RMDN1: variants seen among roughly 807,000 people sequenced by gnomAD.
RMDN1 encodes the protein regulator of microtubule dynamics protein 1.
In RMDN1, 48 loss-of-function variants were observed where a neutral mutation model predicts 48.9. That is an observed-to-expected ratio of 0.98 (90% CI 0.78 to 1.25). The LOEUF (loss-of-function observed/expected upper bound fraction) is 1.25, where lower values mean the gene tolerates loss of function less well. RMDN1 is among the 50% of genes most tolerant of loss of function. The probability of loss-of-function intolerance (pLI) is 0.00; values close to 1 mark genes in which losing one functional copy is unlikely to be tolerated. For synonymous variants in RMDN1, 148 were observed against 132.6 expected (o/e 1.12, Z -0.80); for missense variants, 418 against 373.4 (o/e 1.12, Z -0.98).
chr8:86,514,138 G>T, intron 1 of RMDN1: 1 of 433,110 alleles, frequency 2.3e-6, no homozygotes, highest in Non-Finnish European at 3.1e-6. Flanking sequence ...ACAGGTGTGA[G>T]CCACTGCGCC....
upstream of RMDN1, among the ~76,000 whole-genome samples, chr8:86,512,683 G>C (rs1820107856): frequency 6.6e-6 from 1 of 152,226 alleles, no homozygotes; most frequent in Non-Finnish European, 1.5e-5. Context: ...TAGGATAGAA[G>C]TTCCTGTCTG....
In RMDN1 at chr8:86,505,835, T is replaced by C. The variant is rs549988818; in HGVS notation, c.247+1160A>G. Reference sequence around the variant, plus strand: ...TTATGTGGTGCCTGAAGTCTGCACATTACCTCTTGACAATTTCTGTCCTTC... The same window carrying C: ...TTATGTGGTGCCTGAAGTCTGCACACTACCTCTTGACAATTTCTGTCCTTC... On this transcript the variant is annotated intron_variant, in intron 2 of 9. Transcript: ENST00000406452. Among the ~76,000 whole-genome samples the C allele has an allele frequency of 2.6e-5, 4 of 151,504 alleles. No homozygotes were observed. In the East Asian group the frequency reaches 7.9e-4, roughly 30 times the overall value.
At position 86,474,367 on chromosome 8, in the gene RMDN1, G is replaced by A. The variant is rs1216102086; in HGVS notation, c.895-9C>T. On this transcript the variant is annotated splice_polypyrimidine_tract_variant and intron_variant, in intron 9 of 9. Coordinates refer to ENST00000406452, the MANE Select transcript of RMDN1 (RefSeq NM_016033.3). ...GCAGCTTCTGTCTGTATCTAAAATG[G>A]AAAAATACATGTTATAAGTAAACAG... 1.9e-6 allele frequency: 3 copies of A among 1,590,652 alleles called. No individual in the cohort carries two copies. Among genetic ancestry groups the A allele is most frequent in the African/African-American group, 2.7e-5 (2 of 74,406 alleles).
At chr8:86,474,495 G>T (rs1813029670) in intron 9 of RMDN1, 137 bp from the exon 10 acceptor site, 2 of 733,708 alleles carry the variant, frequency 2.7e-6, no homozygotes, top group Non-Finnish European at 4.7e-6. Flanking sequence ...TGTCTTGACA[G>T]TGACCAGATG....
intron 2 of RMDN1, 80 bp downstream of exon 2, chr8:86,506,915 T>C (rs1278032092): frequency 2.7e-6 from 2 of 739,020 alleles, no homozygotes; most frequent in Non-Finnish European, 4.7e-6. Context: ...ATTACCCTGA[T>C]TCTTTGTTTT....
At chr8:86,480,544 G>A (rs1814209175) in intron 5 of RMDN1, among the ~76,000 whole-genome samples, 1 of 151,890 alleles carries the variant, frequency 6.6e-6, no homozygotes, top group Non-Finnish European at 1.5e-5. Context: ...TATTTTGTAT[G>A]GTTCAGACAT....
chr8:86,508,985 C>T (rs769668321), upstream of RMDN1, among the ~76,000 whole-genome samples: 36 of 152,060 alleles, frequency 2.4e-4, no homozygotes, highest in Non-Finnish European at 4.6e-4. Flanking sequence ...GAAATAGACC[C>T]GAGAATACAA....
Position 86,486,624 on chromosome 8 carries a change from A to C in RMDN1, c.355T>G (p.Trp119Gly). 1 of 1,592,054 alleles carries C rather than the reference A, an allele frequency of 6.3e-7. No individual in the cohort carries two copies. Residue 119 changes from tryptophan to glycine, a missense_variant, in exon 4 of 10, where the codon TGG becomes GGG. Transcript: ENST00000406452. ...YKESEDAELLWRLARASRDVA... is the reference protein window; with the variant it reads ...YKESEDAELLGRLARASRDVA... ...TCACGTGATGCCCGTGCCAAACGCC[A>C]CAGTAACTCTGCATCTTCACTAATT... is the stretch of plus-strand genomic sequence containing the variant.
chr8:86,504,330 G>A, intron 2 of RMDN1: 1 of 1,579,044 alleles, frequency 6.3e-7, no homozygotes, highest in South Asian at 1.1e-5. Flanking sequence ...GTGCAAGGAT[G>A]TCACAAGAAA....
In RMDN1 at chr8:86,473,892, CTG is replaced by C; in HGVS notation, c.*414_*415del. The C allele has an allele frequency of 1.0e-6, 1 of 997,420 alleles. No homozygotes were observed. Among genetic ancestry groups the C allele is most frequent in the Non-Finnish European group, 1.2e-6 (1 of 837,972 alleles). 61.8% of individuals were successfully genotyped at this position (997,420 alleles called of 1,614,324 possible). Reference sequence around the variant, plus strand: ...TCAGGAACCCACAACATCCTAACCACTGTCACCACACCTTCTCTTCAAGATTT... The same window carrying C: ...TCAGGAACCCACAACATCCTAACCACTCACCACACCTTCTCTTCAAGATTT... On this transcript the variant is annotated 3_prime_UTR_variant, in exon 10 of 10. Transcript: ENST00000406452.
intron 2 of RMDN1, among the ~76,000 whole-genome samples, chr8:86,491,397 A>T (rs984800236): frequency 6.6e-5 from 10 of 152,206 alleles, no homozygotes; most frequent in African/African-American, 2.2e-4. Context: ...AAATCAGTGT[A>T]TGATTTTTTC....
intron 3 of RMDN1, among the ~76,000 whole-genome samples, chr8:86,488,279 A>G (rs1193371324): frequency 1.3e-5 from 2 of 152,204 alleles, no homozygotes; most frequent in African/African-American, 2.4e-5. Context: ...TATATTCAAT[A>G]ACTATCTTGT....
At chr8:86,493,020 CAAATGGAAGAGA>C (rs1217241531) in intron 2 of RMDN1, among the ~76,000 whole-genome samples, 1 of 149,198 alleles carries the variant, frequency 6.7e-6, no homozygotes, top group Non-Finnish European at 1.5e-5. Context: ...AAAAAAACAG[CAAATGGAAGAGA>C]TATAGGACAA....
chr8:86,486,624 A>G lies in RMDN1; in HGVS notation c.355T>C (p.Trp119Arg), dbSNP rs147563777. ...TCACGTGATGCCCGTGCCAAACGCC[A>G]CAGTAACTCTGCATCTTCACTAATT... ...YKESEDAELLWRLARASRDVA... is the reference protein window; with the variant it reads ...YKESEDAELLRRLARASRDVA... Residue 119 changes from tryptophan to arginine, a missense_variant, in exon 4 of 10, where the codon TGG becomes CGG. Coordinates refer to ENST00000406452, the MANE Select transcript of RMDN1 (RefSeq NM_016033.3). The G allele has an allele frequency of 1.5e-5, 24 of 1,591,936 alleles. No homozygotes were observed. The highest frequency in any genetic ancestry group is 5.1e-6 in the Non-Finnish European group (6 of 1,170,884).
chr8:86,494,071 T>C (rs989121095), intron 2 of RMDN1, among the ~76,000 whole-genome samples: 1 of 151,484 alleles, frequency 6.6e-6, no homozygotes, highest in Non-Finnish European at 1.5e-5. Context: ...GGGAATGGGG[T>C]GATGTTGGTC....
rs1250243716 is a variant in RMDN1 at position 86,492,686 on chromosome 8, AAT to A, written c.248-4049_248-4048del. On this transcript the variant is annotated intron_variant, in intron 2 of 9. Coordinates refer to ENST00000406452, the MANE Select transcript of RMDN1 (RefSeq NM_016033.3). ...TAATAATAATAATAATAATAATAAT[AAT>A]AAAGAGATAATGAAACGTTCCCACA... Among the ~76,000 whole-genome samples, 102 of 143,366 alleles carry A rather than the reference AAT, an allele frequency of 7.1e-4. 1 individual carries two copies. The highest frequency in any genetic ancestry group is 1.3e-3 in the African/African-American group (51 of 39,264). 94.1% of individuals were successfully genotyped at this position (143,366 alleles called of 152,430 possible).
At chr8:86,471,667 A>AGAT (rs1162029196), downstream of RMDN1, among the ~76,000 whole-genome samples, 3 of 151,884 alleles carry the variant, frequency 2.0e-5, no homozygotes, top group African/African-American at 7.3e-5. Flanking sequence ...GGGATATGGA[A>AGAT]GATATAAATG....
At chr8:86,482,122 C>T in intron 5 of RMDN1, 2 of 552,168 alleles carry the variant, frequency 3.6e-6, no homozygotes, top group Non-Finnish European at 3.2e-6. Context: ...GCTCTGTAGG[C>T]CAGGCACGGT....
At chr8:86,489,118 AG>A (rs1816010278) in intron 2 of RMDN1, among the ~76,000 whole-genome samples, 1 of 152,242 alleles carries the variant, frequency 6.6e-6, no homozygotes, top group South Asian at 2.1e-4. Context: ...AGAAAATAAA[AG>A]TCATCTACTT....
Sources: allele counts gnomAD v4.1 joint callset (sites outside exome capture counted in the v4.1 genomes callset), GRCh38; gene constraint gnomAD v4.1.1; transcripts MANE v1.5; gene names NCBI Gene and HGNC (gene_info 2026-07-23, HGNC 2026-07-21).